Variants in SNAP25 observed in about 807,000 individuals in gnomAD.
SNAP25 encodes synaptosome associated protein 25.
In SNAP25, 3 loss-of-function variants were observed where a neutral mutation model predicts 28.7. That is an observed-to-expected ratio of 0.10 (90% CI 0.05 to 0.27). The LOEUF (loss-of-function observed/expected upper bound fraction) is 0.27. Ranked by LOEUF, SNAP25 falls within the 10% of genes least tolerant of loss-of-function variation. The pLI is 1.00. For synonymous variants in SNAP25, 61 were observed against 88.1 expected, an observed-to-expected ratio of 0.69 and a Z score of 1.72; for missense variants, 117 against 278.7, an observed-to-expected ratio of 0.42 and a Z score of 4.13.
chr20:10,278,557 G>A (rs1241780867), intron 3 of SNAP25, among the ~76,000 whole-genome samples: 3 of 152,084 alleles, frequency 2.0e-5, no homozygotes, highest in Admixed American at 6.5e-5. Flanking sequence ...AAGCCTAATA[G>A]TTTTTATTCA....
At chr20:10,245,176 C>T (rs966059932) in intron 1 of SNAP25, among the ~76,000 whole-genome samples, 2 of 152,226 alleles carry the variant, frequency 1.3e-5, no homozygotes, top group Admixed American at 1.3e-4. Context: ...TGGTATTAAG[C>T]ATTCTCCCCC....
intron 7 of SNAP25, among the ~76,000 whole-genome samples, chr20:10,300,459 G>A (rs2064209118): frequency 6.6e-6 from 1 of 152,180 alleles, no homozygotes; most frequent in Admixed American, 6.5e-5. Flanking sequence ...GGTAACTTAT[G>A]TTGTGTGTTT....
chr20:10,244,376 A>G (rs1327543664), intron 1 of SNAP25, among the ~76,000 whole-genome samples: 1 of 152,236 alleles, frequency 6.6e-6, no homozygotes, highest in Non-Finnish European at 1.5e-5. Flanking sequence ...CTTAGCACTT[A>G]CTATATGCCC....
intron 1 of SNAP25, among the ~76,000 whole-genome samples, chr20:10,235,893 T>C (rs1266429100): frequency 2.6e-5 from 4 of 152,212 alleles, no homozygotes; most frequent in Non-Finnish European, 5.9e-5. Flanking sequence ...CAAGCCCCAA[T>C]GTGCAAGTAC....
At chr20:10,265,119 T>C (rs2063485563) in intron 1 of SNAP25, among the ~76,000 whole-genome samples, 1 of 152,156 alleles carries the variant, frequency 6.6e-6, no homozygotes, top group Non-Finnish European at 1.5e-5. Flanking sequence ...TGAAATATAA[T>C]CTTTTGATTT....
chr20:10,265,527 G>A (rs1320082362), intron 1 of SNAP25, among the ~76,000 whole-genome samples: 1 of 152,158 alleles, frequency 6.6e-6, no homozygotes, highest in Non-Finnish European at 1.5e-5. Flanking sequence ...AACATCGTCA[G>A]TGTGCTTTTT....
intron 1 of SNAP25, among the ~76,000 whole-genome samples, chr20:10,239,225 C>T (rs929234046): frequency 2.6e-5 from 4 of 152,198 alleles, no homozygotes; most frequent in Admixed American, 2.0e-4. Flanking sequence ...ATCTTAGATT[C>T]CAACTCCAGG....
intron 1 of SNAP25, among the ~76,000 whole-genome samples, chr20:10,272,699 T>C (rs2063617154): frequency 6.6e-6 from 1 of 152,176 alleles, no homozygotes; most frequent in African/African-American, 2.4e-5. Flanking sequence ...ATTCGAAAAT[T>C]AGCAGGCTCA....
intron 1 of SNAP25, among the ~76,000 whole-genome samples, chr20:10,256,224 G>A (rs111533498): frequency 5.9e-5 from 9 of 152,292 alleles, no homozygotes; most frequent in African/African-American, 2.2e-4. Context: ...GTTAGTAGTT[G>A]AAACCTTCAT....
At chr20:10,305,144 C>A (rs2064325218) in intron 7 of SNAP25, among the ~76,000 whole-genome samples, 2 of 152,070 alleles carry the variant, frequency 1.3e-5, no homozygotes, top group South Asian at 4.1e-4. Flanking sequence ...TCATGACATG[C>A]CTAATTTTTT....
intron 7 of SNAP25, 61 bp downstream of exon 7, chr20:10,299,473 A>ATTCCT: frequency 6.5e-7 from 1 of 1,543,916 alleles, no homozygotes; most frequent in Non-Finnish European, 8.8e-7. Flanking sequence ...ACCAACAGGA[A>ATTCCT]GTGTGAAGGG....
At chr20:10,274,936 G>C (rs1454243437) in intron 1 of SNAP25, among the ~76,000 whole-genome samples, 1 of 152,086 alleles carries the variant, frequency 6.6e-6, no homozygotes, top group Non-Finnish European at 1.5e-5. Flanking sequence ...AAATTTGGAG[G>C]AGTAATGGCT....
At chr20:10,226,402 A>G (rs1026710329) in intron 1 of SNAP25, among the ~76,000 whole-genome samples, 6 of 152,160 alleles carry the variant, frequency 3.9e-5, no homozygotes, top group Non-Finnish European at 7.4e-5. Context: ...ATCATAAATC[A>G]GCTGCTATTA....
intron 4 of SNAP25, among the ~76,000 whole-genome samples, chr20:10,287,781 T>C (rs1474939841): frequency 1.3e-5 from 2 of 151,394 alleles, no homozygotes; most frequent in African/African-American, 2.4e-5. Flanking sequence ...AATGATAGAC[T>C]GGATTAAGAA....
intron 3 of SNAP25, among the ~76,000 whole-genome samples, chr20:10,282,457 G>T (rs1271399516): frequency 1.3e-5 from 2 of 152,128 alleles, no homozygotes; most frequent in Non-Finnish European, 2.9e-5. Context: ...CCAAACTGGG[G>T]CAACCTAAAA....
intron 2 of SNAP25, among the ~76,000 whole-genome samples, chr20:10,276,713 G>T (rs1252497561): frequency 2.6e-5 from 4 of 152,290 alleles, no homozygotes; most frequent in African/African-American, 9.6e-5. Flanking sequence ...TTTTCTGTGA[G>T]AATCAATTGG....
chr20:10,246,555 A>T (rs929859504), intron 1 of SNAP25, among the ~76,000 whole-genome samples: 1 of 152,176 alleles, frequency 6.6e-6, no homozygotes, highest in Non-Finnish European at 1.5e-5. Context: ...GGGGCTCATC[A>T]GTACCCCAGC....
At chr20:10,303,241 A>G (rs1457314820) in intron 7 of SNAP25, among the ~76,000 whole-genome samples, 1 of 152,130 alleles carries the variant, frequency 6.6e-6, no homozygotes, top group East Asian at 1.9e-4. Flanking sequence ...AACCAAGTAA[A>G]ATTGGTGAGA....
chr20:10,237,340 C>G (rs922113260), intron 1 of SNAP25, among the ~76,000 whole-genome samples: 1 of 152,160 alleles, frequency 6.6e-6, no homozygotes, highest in Admixed American at 6.5e-5. Flanking sequence ...AACTTGCACC[C>G]AGCCCTGCAG....
Sources: gnomAD v4.1 joint callset for allele counts (sites outside exome capture counted in the v4.1 genomes callset) on GRCh38, gnomAD v4.1.1 for gene constraint, MANE v1.5 for transcripts, NCBI Gene and HGNC (gene_info 2026-07-23, HGNC 2026-07-21) for gene names.